Variants in AGPAT3 observed in about 807,000 individuals in gnomAD.
AGPAT3 encodes the protein 1-acylglycerol-3-phosphate O-acyltransferase 3.
In AGPAT3, 5 loss-of-function variants were observed where a neutral mutation model predicts 47.3. That is an observed-to-expected ratio of 0.11 (90% CI 0.06 to 0.22). The LOEUF is 0.22. Among genes scored for constraint, AGPAT3 ranks in the 10% least tolerant of loss-of-function variants. AGPAT3 has a pLI of 1.00. For synonymous variants in AGPAT3, 212 were observed against 208.3 expected, an observed-to-expected ratio of 1.02 and a Z score of -0.15; for missense variants, 315 against 493.0, an observed-to-expected ratio of 0.64 and a Z score of 3.42.
At chr21:43,971,212 G>C (rs1324703477) in intron 6 of AGPAT3, among the ~76,000 whole-genome samples, 176 bp from the exon 7 acceptor site, 1 of 152,214 alleles carries the variant, frequency 6.6e-6, no homozygotes, top group Non-Finnish European at 1.5e-5. Flanking sequence ...GGAAAAAAGA[G>C]GGGGAAAGAA....
At chr21:43,909,071 A>AT (rs1435962713) in intron 2 of AGPAT3, among the ~76,000 whole-genome samples, 13 of 151,836 alleles carry the variant, frequency 8.6e-5, no homozygotes, top group Admixed American at 6.6e-4. Context: ...TTTACTTACT[A>AT]TTTTTTTTCT....
chr21:43,955,080 C>A lies in AGPAT3; in HGVS notation c.-48-4554C>A. 1 of 1,247,982 alleles carries A rather than the reference C, an allele frequency of 8.0e-7. No homozygotes were observed. Among genetic ancestry groups the A allele is most frequent in the African/African-American group, 1.5e-5 (1 of 64,680 alleles). The allele number at this position is 1,247,982 out of a possible 1,614,324, so 77.3% of individuals were successfully genotyped here. On this transcript the variant is annotated intron_variant, in intron 2 of 9. Coordinates refer to ENST00000291572, the MANE Select transcript of AGPAT3 (RefSeq NM_020132.5). The surrounding 1 kb of genome is among the most constrained non-coding windows in gnomAD (Gnocchi z 4.1). ...CCCCCAAAGGCTGGGTGCCAGCTGC[C>A]TGTCGGCAGGGAGCGTATCACCGTG...
intron 2 of AGPAT3, among the ~76,000 whole-genome samples, chr21:43,928,289 C>T (rs933795586): frequency 1.3e-5 from 2 of 152,224 alleles, no homozygotes; most frequent in African/African-American, 4.8e-5. Context: ...GACACGGCCA[C>T]TGTTTTGAAA....
intron 1 of AGPAT3, chr21:43,867,463 A>G (rs929018881): frequency 1.3e-5 from 2 of 152,418 alleles, no homozygotes; most frequent in East Asian, 1.9e-4. Flanking sequence ...AACTTGCCCA[A>G]TCACATTTAC....
intron 7 of AGPAT3, among the ~76,000 whole-genome samples, chr21:43,975,979 CTTTTCCTTTTTTTTT>C (rs1382468556): frequency 8.0e-6 from 1 of 124,556 alleles, no homozygotes; most frequent in Non-Finnish European, 1.7e-5. Flanking sequence ...GTGTGTTTTT[CTTTTCCTTTTTTTTT>C]TTTTTAAGAG....
chr21:43,953,361 G>T (rs1340097408), intron 2 of AGPAT3, among the ~76,000 whole-genome samples: 1 of 152,218 alleles, frequency 6.6e-6, no homozygotes, highest in Non-Finnish European at 1.5e-5. Context: ...GTGTGCTCAT[G>T]GTGTCCTAGT....
rs543678035 is a variant in AGPAT3, at chr21:43,951,232, G to T, written c.-48-8402G>T. On this transcript the variant is annotated intron_variant, in intron 2 of 9. Transcript: ENST00000291572. ...GGTGGGCGGGACAGAGAAGAGGAAG[G>T]GGGGAAGGAGGGAGCTGACAGCCGT... is the stretch of plus-strand genomic sequence containing the variant. Among the ~76,000 whole-genome samples the T allele has an allele frequency of 3.3e-4, 51 of 152,324 alleles. No individual in the cohort carries two copies. The South Asian group carries it at 3.5e-3, about 11-fold the overall frequency.
chr21:43,985,051 C>T lies in AGPAT3; in HGVS notation c.*2659C>T. On this transcript the variant is annotated 3_prime_UTR_variant, in exon 10 of 10. Transcript: ENST00000291572. ...CCAGAGCCAGGCGCCACACTGGAGG[C>T]TCCCAGGCGGGAGGGCCCAGGCCCA... 2.2e-6 allele frequency: 1 copy of T among 452,708 alleles called. No homozygotes were observed. The highest frequency in any genetic ancestry group is 4.4e-6 in the Non-Finnish European group (1 of 224,934). The allele number at this position is 452,708 out of a possible 1,614,324, so 28.0% of individuals were successfully genotyped here.
intron 2 of AGPAT3, among the ~76,000 whole-genome samples, chr21:43,929,215 G>A (rs575090845): frequency 6.6e-6 from 1 of 152,360 alleles, no homozygotes; most frequent in East Asian, 1.9e-4. Flanking sequence ...ATGTACAGCC[G>A]TGTGGCGGCA....
At position 43,955,191 on chromosome 21, in the gene AGPAT3, AC is replaced by A; in HGVS notation, c.-48-4441del. 4.7e-6 allele frequency: 6 copies of A among 1,266,102 alleles called. No individual in the cohort carries two copies. The highest frequency in any genetic ancestry group is 6.2e-6 in the Non-Finnish European group (6 of 974,264). 78.4% of individuals were successfully genotyped at this position (1,266,102 alleles called of 1,614,324 possible). A position where few individuals can be genotyped will look rare whatever the true frequency, so the allele number is the denominator to read the frequency against. ...GGCCGTCTCAGAAGCACCGCGCTGG[AC>A]CGGCTGGGCCAGATGCCATGGGATT... On this transcript the variant is annotated intron_variant, in intron 2 of 9. Transcript: ENST00000291572. This position sits in a 1 kb window ranked among gnomAD's most constrained non-coding sequence, Gnocchi z 4.1.
chr21:43,873,948 G>A (rs944283237), intron 1 of AGPAT3, among the ~76,000 whole-genome samples: 1 of 152,086 alleles, frequency 6.6e-6, no homozygotes, highest in East Asian at 1.9e-4. Context: ...TTATTCTGGT[G>A]TTCTCTTTCT....
rs116847040 is a variant in AGPAT3, at chr21:43,878,994, G to C, written c.-112+13649G>C. On this transcript the variant is annotated intron_variant, in intron 1 of 9. Coordinates refer to ENST00000291572, the MANE Select transcript of AGPAT3 (RefSeq NM_020132.5). ...TGCCTCAAGCAACCTGCCCACCTCG[G>C]GTCCTAAAGTGCTAGGATTACAGGT... Among the ~76,000 whole-genome samples the C allele has an allele frequency of 7.0e-3, 1,065 of 152,106 alleles. 5 individuals are homozygous for C. Among genetic ancestry groups the C allele is most frequent in the Middle Eastern group, 0.014 (4 of 294 alleles).
intron 1 of AGPAT3, among the ~76,000 whole-genome samples, chr21:43,883,436 C>G (rs1441554581): frequency 6.6e-6 from 1 of 152,234 alleles, no homozygotes; most frequent in African/African-American, 2.4e-5. Context: ...TGGGGAAAAT[C>G]CCTGCAGATG....
chr21:43,900,499 C>G (rs546291572), intron 1 of AGPAT3, among the ~76,000 whole-genome samples: 2 of 152,058 alleles, frequency 1.3e-5, no homozygotes, highest in Non-Finnish European at 2.9e-5. Context: ...GGGAGGGGAA[C>G]CAGGACCTGG....
chr21:43,978,264 T>A, intron 8 of AGPAT3, 143 bp downstream of exon 8: 1 of 588,096 alleles, frequency 1.7e-6, no homozygotes, highest in South Asian at 2.1e-5. Context: ...GATCCTTCTT[T>A]CATTTCTTCT....
chr21:43,951,656 C>T (rs553691825), intron 2 of AGPAT3, among the ~76,000 whole-genome samples: 5 of 152,328 alleles, frequency 3.3e-5, no homozygotes, highest in Admixed American at 2.6e-4. Context: ...TGCTATATTT[C>T]AGAGGCTGTG....
chr21:43,909,699 G>A (rs1393558955), intron 2 of AGPAT3, among the ~76,000 whole-genome samples: 2 of 152,144 alleles, frequency 1.3e-5, no homozygotes, highest in African/African-American at 2.4e-5. Context: ...CTCAGGTCTC[G>A]TCTCTCCTTG....
intron 1 of AGPAT3, among the ~76,000 whole-genome samples, chr21:43,898,821 C>T (rs899856976): frequency 6.6e-6 from 1 of 152,192 alleles, no homozygotes; most frequent in African/African-American, 2.4e-5. Flanking sequence ...GCCACCACAC[C>T]CAGCCTGTGT....
Position 43,920,878 on chromosome 21 carries a change from C to T in AGPAT3, c.-49+16859C>T, listed in dbSNP as rs1601311369. Reference sequence around the variant, plus strand: ...CGGTGGCTCACGCCTGTAATCCCAGCACTTTGGGAGGCTGAGGCGGGCAGA... The same window carrying T: ...CGGTGGCTCACGCCTGTAATCCCAGTACTTTGGGAGGCTGAGGCGGGCAGA... On this transcript the variant is annotated intron_variant, in intron 2 of 9. Transcript: ENST00000291572. The surrounding 1 kb of genome is among the most constrained non-coding windows in gnomAD (Gnocchi z 6.1). Among the ~76,000 whole-genome samples, 1 of 152,310 alleles carries T rather than the reference C, an allele frequency of 6.6e-6. No individual in the cohort carries two copies. Among genetic ancestry groups the T allele is most frequent in the East Asian group, 1.9e-4 (1 of 5,172 alleles).
Sources: gnomAD v4.1 joint callset for allele counts (sites outside exome capture counted in the v4.1 genomes callset) on GRCh38, gnomAD v4.1.1 for gene constraint, Gnocchi (gnomAD v3.1) non-coding constraint, MANE v1.5 for transcripts, NCBI Gene and HGNC (gene_info 2026-07-23, HGNC 2026-07-21) for gene names.